The following FRAS1 variants were observed in gnomAD, a reference collection of about 807,000 sequenced individuals.
FRAS1 encodes the protein Fraser extracellular matrix complex subunit 1.
A neutral mutation model predicts 435.2 loss-of-function variants in FRAS1; 290 were observed. The ratio of observed to expected loss-of-function variants is 0.67; its 90% CI spans 0.61 to 0.73. The LOEUF is 0.73. Among genes scored for constraint, FRAS1 ranks in the 30% least tolerant of loss-of-function variants. FRAS1 has a pLI of 0.00. For missense variants in FRAS1, 4,860 were observed against 5,001.5 expected (o/e 0.97, Z 0.85); for synonymous variants, 1,800 against 1,851.0 (o/e 0.97, Z 0.71).
In FRAS1 at chr4:78,181,243, C is replaced by G. The variant is rs1030338267; in HGVS notation, c.109-56267C>G. The G allele has an allele frequency of 2.2e-5, 36 of 1,609,742 alleles. No homozygotes were observed. In the African/African-American group the frequency reaches 4.4e-4, roughly 20 times the overall value. On this transcript the variant is annotated intron_variant, in intron 2 of 73. Transcript: ENST00000512123. The stretch of plus-strand genomic sequence containing the variant: ...CATCCAAAGTCATCTCTTTTGGACC[C>G]TCCTCTTTTACCTCTTCAACATCAT...
chr4:78,445,972 G>T, intron 42 of FRAS1: 1 of 1,281,478 alleles, frequency 7.8e-7, no homozygotes. Flanking sequence ...GAAGGTCAGA[G>T]ATGCTTTGCC....
intron 2 of FRAS1, among the ~76,000 whole-genome samples, chr4:78,083,632 T>TTG (rs1041771066): frequency 2.0e-5 from 3 of 150,152 alleles, no homozygotes; most frequent in Non-Finnish European, 4.4e-5. Context: ...TTCTGTTTTT[T>TTG]TTTTTTTTTT....
At chr4:78,537,339 G>T (rs1721916349) in intron 72 of FRAS1, 139 bp downstream of exon 72, 5 of 817,814 alleles carry the variant, frequency 6.1e-6, no homozygotes, top group Non-Finnish European at 9.4e-6. Context: ...GTTTCTTTCA[G>T]ATCAGCTAAA....
chr4:78,214,176 C>G (rs1325173797), intron 2 of FRAS1, among the ~76,000 whole-genome samples: 1 of 152,132 alleles, frequency 6.6e-6, no homozygotes, highest in African/African-American at 2.4e-5. Flanking sequence ...AAATCTTGCT[C>G]CATCTCCTAG....
intron 56 of FRAS1, 93 bp from the exon 57 acceptor site, chr4:78,481,711 C>T: frequency 7.2e-7 from 1 of 1,384,168 alleles, no homozygotes; most frequent in Non-Finnish European, 1.0e-6. Flanking sequence ...TAAAAGCTGC[C>T]ACTATTGCAG....
chr4:78,117,030 C>T (rs4324565), intron 2 of FRAS1, among the ~76,000 whole-genome samples: 33,025 of 151,988 alleles, frequency 0.22, 3,944 homozygotes, highest in Admixed American at 0.29. Flanking sequence ...GGCCTGGTGG[C>T]GACAAAATCT....
intron 20 of FRAS1, among the ~76,000 whole-genome samples, chr4:78,338,346 G>A (rs1730260157): frequency 6.6e-6 from 1 of 151,788 alleles, no homozygotes; most frequent in Non-Finnish European, 1.5e-5. Flanking sequence ...TTTGAATAAT[G>A]TTGGAACCAG....
Position 78,363,901 on chromosome 4 carries a change from T to C in FRAS1, c.2576-7T>C. The C allele has an allele frequency of 6.2e-7, 1 of 1,605,368 alleles. No individual in the cohort carries two copies. The highest frequency in any genetic ancestry group is 8.5e-7 in the Non-Finnish European group (1 of 1,175,718). On this transcript the variant is annotated splice_polypyrimidine_tract_variant and splice_region_variant and intron_variant, in intron 21 of 73. Coordinates refer to ENST00000512123, the MANE Select transcript of FRAS1 (RefSeq NM_025074.7). ...TGGTTTCTGTTGTGTCTCTTTTTCC[T>C]CTGCAGAATGCCACTCCTCCTGCAG...
chr4:78,418,397 T>C (rs1343361481), intron 32 of FRAS1, among the ~76,000 whole-genome samples: 2 of 152,302 alleles, frequency 1.3e-5, no homozygotes, highest in East Asian at 3.9e-4. Context: ...GACAATGCTC[T>C]GAAGAACTTC....
chr4:78,388,349 A>C (rs1732309853), intron 29 of FRAS1, among the ~76,000 whole-genome samples: 1 of 151,778 alleles, frequency 6.6e-6, no homozygotes, highest in African/African-American at 2.4e-5. Context: ...AAAAAAAACA[A>C]AAAAAACCCA....
At chr4:78,407,596 G>A in intron 30 of FRAS1, 67 bp from the exon 31 acceptor site, 1 of 1,315,876 alleles carries the variant, frequency 7.6e-7, no homozygotes, top group Non-Finnish European at 1.0e-6. Context: ...TGAGTAGTAG[G>A]AAAGGAGGTA....
intron 2 of FRAS1, among the ~76,000 whole-genome samples, chr4:78,081,873 T>C (rs1389307325): frequency 6.6e-6 from 1 of 152,092 alleles, no homozygotes; most frequent in Non-Finnish European, 1.5e-5. Context: ...GGCATTCTCC[T>C]TCCTTACGCC....
chr4:78,281,488 T>C, intron 11 of FRAS1, 55 bp downstream of exon 11: 1 of 1,131,994 alleles, frequency 8.8e-7, no homozygotes, highest in Non-Finnish European at 1.3e-6. Flanking sequence ...TTTTATGTAA[T>C]GATCTGCATG....
At position 78,130,006 on chromosome 4, in the gene FRAS1, G is replaced by T. The variant is rs1578143628; in HGVS notation, c.108+63990G>T. Among the ~76,000 whole-genome samples, 3 of 152,226 alleles carry T rather than the reference G, an allele frequency of 2.0e-5. 1 individual carries two copies. The East Asian group carries it at 5.8e-4, about 29-fold the overall frequency. ...GGCTCCTGCACTAGATTGCTGGCCT[G>T]CTCATCCTTACTGTGTCTGACTGGC... On this transcript the variant is annotated intron_variant, in intron 2 of 73. Transcript: ENST00000512123.
chr4:78,177,048 G>A (rs1039036939), intron 2 of FRAS1, among the ~76,000 whole-genome samples: 24 of 151,288 alleles, frequency 1.6e-4, no homozygotes, highest in East Asian at 5.8e-4. Flanking sequence ...GTGGGAGTGC[G>A]TTAGAACCTC....
At chr4:78,513,332 T>A in intron 64 of FRAS1, 60 bp from the exon 65 acceptor site, 1 of 1,521,368 alleles carries the variant, frequency 6.6e-7, no homozygotes, top group Non-Finnish European at 9.1e-7. Context: ...GAAAGAAGTA[T>A]GTCCTATTGA....
At chr4:78,186,775 G>A (rs1199884898) in intron 2 of FRAS1, among the ~76,000 whole-genome samples, 2 of 152,160 alleles carry the variant, frequency 1.3e-5, no homozygotes, top group African/African-American at 4.8e-5. Flanking sequence ...GTTTCCCGGG[G>A]TAAAAACCCT....
chr4:78,537,012 C>T lies in FRAS1; in HGVS notation c.11110C>T (p.Arg3704Ter), dbSNP rs1274650161. Reference protein sequence around the residue: ...AFSKGQILYGRVLWNPEQNLN... With the variant: ...AFSKGQILYG Reference sequence around the variant, plus strand: ...CTTTTCAGGTCAAATCCTTTATGGCCGAGTACTTTGGAATCCAGAACAAAA... The same window carrying T: ...CTTTTCAGGTCAAATCCTTTATGGCTGAGTACTTTGGAATCCAGAACAAAA... Residue 3704 changes from arginine (R) to a stop codon, truncating the protein, a stop_gained, in exon 72 of 74, where the codon CGA becomes TGA. Transcript: ENST00000512123. LOFTEE classifies it high-confidence loss of function. 20 of 1,613,704 alleles carry T rather than the reference C, an allele frequency of 1.2e-5. No individual in the cohort carries two copies. Among genetic ancestry groups the T allele is most frequent in the African/African-American group, 2.7e-5 (2 of 74,894 alleles).
rs895505489 is a variant in FRAS1, at chr4:78,178,191, C to CT, written c.109-59312dup. 5.3e-5 allele frequency among the ~76,000 whole-genome samples: 8 copies of CT among 152,090 alleles called. No homozygotes were observed. The East Asian group carries it at 9.7e-4, about 18-fold the overall frequency. ...TTTCTATGTGTATGTGTGTTCTCTC[C>CT]TTTTTTTAAAAAAATAAAGATACCA... On this transcript the variant is annotated intron_variant, in intron 2 of 73. Transcript: ENST00000512123.
Sources: gnomAD v4.1 joint callset for allele counts (sites outside exome capture counted in the v4.1 genomes callset) on GRCh38, gnomAD v4.1.1 for gene constraint, MANE v1.5 for transcripts, NCBI Gene and HGNC (gene_info 2026-07-23, HGNC 2026-07-21) for gene names.